TG: variants seen among roughly 807,000 people sequenced by gnomAD.
TG encodes the protein thyroglobulin, also known as thyroid hormones.
TG carries 270 observed loss-of-function variants against 324.7 expected under a neutral mutation model. That is an observed-to-expected ratio of 0.83 (90% CI 0.75 to 0.92). The LOEUF (loss-of-function observed/expected upper bound fraction) is 0.92, where lower values mean the gene tolerates loss of function less well. Among genes scored for constraint, TG ranks in the 40% least tolerant of loss-of-function variants. The pLI, the probability that TG is intolerant of heterozygous loss-of-function variation, is 0.00. For synonymous variants in TG, 1,401 were observed against 1,327.0 expected, an observed-to-expected ratio of 1.06 and a Z score of -1.21; for missense variants, 3,591 against 3,456.4, an observed-to-expected ratio of 1.04 and a Z score of -0.98.
chr8:133,053,362 C>T (rs1281687722), intron 41 of TG, among the ~76,000 whole-genome samples: 2 of 152,194 alleles, frequency 1.3e-5, no homozygotes, highest in African/African-American at 4.8e-5. Flanking sequence ...TAGCCTGTGC[C>T]ACACCTGTTT....
At chr8:133,009,927 C>T (rs1834357306) in intron 35 of TG, among the ~76,000 whole-genome samples, 1 of 152,114 alleles carries the variant, frequency 6.6e-6, no homozygotes, top group Non-Finnish European at 1.5e-5. Context: ...CAAAACATGG[C>T]ACTAGATTGT....
chr8:132,891,065 G>T (rs1309136090), intron 10 of TG, among the ~76,000 whole-genome samples: 1 of 152,198 alleles, frequency 6.6e-6, no homozygotes, highest in Non-Finnish European at 1.5e-5. Context: ...TGGAACAGAG[G>T]TATGTACGTG....
Position 132,882,806 on chromosome 8 carries a change from T to C in TG, c.890-8T>C, listed in dbSNP as rs565158735. 2.5e-6 allele frequency: 4 copies of C among 1,614,208 alleles called. No individual in the cohort carries two copies. The African/African-American group carries it at 5.3e-5, about 22-fold the overall frequency. On this transcript the variant is annotated splice_region_variant and splice_polypyrimidine_tract_variant and intron_variant, in intron 7 of 47. Coordinates refer to ENST00000220616, the MANE Select transcript of TG (RefSeq NM_003235.5). ...CACTGTCTTCTTTACTGTGTGGATT[T>C]CCTCTAGGCCCCACAAAATGTGAAG...
chr8:133,133,609 G>A lies in TG; in HGVS notation c.8137G>A (p.Ala2713Thr), dbSNP rs749517425. The change falls in exon 47 of 48, where the codon GCC becomes ACC. Residue 2713 changes from alanine to threonine, a missense_variant. Ala to Thr is a moderately conservative substitution (Grantham distance 58, BLOSUM62 0). Transcript: ENST00000220616. ...CCCCAATCGACAGGGCCTGAAGAAAGCCGACTGCTCCTTCTGGTCCAAGTA... is the reference window on the plus strand; with the variant it reads ...CCCCAATCGACAGGGCCTGAAGAAAACCGACTGCTCCTTCTGGTCCAAGTA... The part of the protein sequence containing the change: ...LLPNRQGLKK[A>T]DCSFWSKYIS... 21 of 1,614,108 alleles carry A rather than the reference G, an allele frequency of 1.3e-5. No homozygotes were observed. The East Asian group carries it at 4.0e-4, about 31-fold the overall frequency.
rs192005554 is a variant in TG at position 133,033,243 on chromosome 8, C to T, written c.7239+3220C>T. On this transcript the variant is annotated intron_variant, in intron 41 of 47. Transcript: ENST00000220616. ...GACTTATGGTTTGCAAACTATCTTG[C>T]ACAACATAGGAACTCAAGAAATCAA... Among the ~76,000 whole-genome samples, 193 of 152,312 alleles carry T rather than the reference C, an allele frequency of 1.3e-3. 1 individual carries two copies. Among genetic ancestry groups the T allele is most frequent in the Middle Eastern group, 6.8e-3 (2 of 294 alleles).
rs565109132 is a variant in TG at position 132,983,910 on chromosome 8, G to A, written c.6262+498G>A. ...CAGGAGCCCAGGTGCCCAGGTGCCC[G>A]GTAACATAGCCTGGACCCAGGCTGC... On this transcript the variant is annotated intron_variant, in intron 35 of 47. Coordinates refer to ENST00000220616, the MANE Select transcript of TG (RefSeq NM_003235.5). 5.3e-5 allele frequency among the ~76,000 whole-genome samples: 8 copies of A among 152,296 alleles called. 1 individual carries two copies. In the South Asian group the frequency reaches 8.3e-4, roughly 16 times the overall value.
intron 41 of TG, chr8:133,049,550 G>C: frequency 3.3e-6 from 1 of 304,150 alleles, no homozygotes; most frequent in South Asian, 3.6e-5. Flanking sequence ...CAGCCAGTAA[G>C]TGACAGAGGC....
chr8:132,878,970 T>C (rs1326641413), intron 5 of TG, among the ~76,000 whole-genome samples: 1 of 152,218 alleles, frequency 6.6e-6, no homozygotes, highest in Non-Finnish European at 1.5e-5. Context: ...TCGGTCTCAG[T>C]AGTTTGACTT....
chr8:132,916,755 C>T (rs1820340483), intron 20 of TG, among the ~76,000 whole-genome samples: 1 of 152,170 alleles, frequency 6.6e-6, no homozygotes, highest in Non-Finnish European at 1.5e-5. Flanking sequence ...TATGGCTTCT[C>T]CTTGAAATTA....
intron 44 of TG, among the ~76,000 whole-genome samples, chr8:133,115,360 A>T (rs1283001067): frequency 1.3e-5 from 2 of 152,050 alleles, no homozygotes; most frequent in Non-Finnish European, 1.5e-5. Flanking sequence ...CCAGTGCGTG[A>T]TGCTTCCCAT....
chr8:132,984,125 C>T (rs894568606), intron 35 of TG, among the ~76,000 whole-genome samples: 1 of 152,204 alleles, frequency 6.6e-6, no homozygotes, highest in Non-Finnish European at 1.5e-5. Context: ...AGAGGCTCAG[C>T]CTGGGCTCCA....
At chr8:133,117,871 C>G (rs1850824279) in intron 45 of TG, among the ~76,000 whole-genome samples, 1 of 152,190 alleles carries the variant, frequency 6.6e-6, no homozygotes, top group Non-Finnish European at 1.5e-5. Flanking sequence ...ACACCATATA[C>G]CCGCTGTGCC....
At chr8:133,037,816 C>T (rs1017685591) in intron 41 of TG, 10 of 152,250 alleles carry the variant, frequency 6.6e-5, no homozygotes, top group Admixed American at 3.9e-4. Context: ...CAGTTCTAGT[C>T]TCGCCTCCTC....
At chr8:133,080,220 T>A (rs571424496) in intron 41 of TG, among the ~76,000 whole-genome samples, 1 of 152,146 alleles carries the variant, frequency 6.6e-6, no homozygotes, top group Non-Finnish European at 1.5e-5. Context: ...ATACTTGTGT[T>A]CAAGGAGCAG....
At chr8:133,124,281 G>A (rs1851359022) in intron 45 of TG, among the ~76,000 whole-genome samples, 1 of 152,190 alleles carries the variant, frequency 6.6e-6, no homozygotes. Context: ...CCAGGGTGCT[G>A]GGATGTCATT....
chr8:133,074,300 A>ACTCCAAG (rs1844534106), intron 41 of TG, among the ~76,000 whole-genome samples: 1 of 152,092 alleles, frequency 6.6e-6, no homozygotes, highest in Non-Finnish European at 1.5e-5. Flanking sequence ...AAGTAGCGCT[A>ACTCCAAG]TTGCAATCCC....
chr8:132,990,841 C>T (rs984206720), intron 35 of TG, among the ~76,000 whole-genome samples: 1 of 152,084 alleles, frequency 6.6e-6, no homozygotes, highest in Non-Finnish European at 1.5e-5. Context: ...AGAGTCTCCC[C>T]GCGAAGATGG....
chr8:132,868,691 G>T (rs763059562), intron 2 of TG, among the ~76,000 whole-genome samples: 3 of 152,126 alleles, frequency 2.0e-5, no homozygotes, highest in Non-Finnish European at 4.4e-5. Context: ...TAGCTCTCTA[G>T]GCTGCCTCTG....
chr8:132,952,645 G>A (rs765757840), intron 27 of TG, among the ~76,000 whole-genome samples: 19 of 152,228 alleles, frequency 1.2e-4, no homozygotes, highest in Non-Finnish European at 2.4e-4. Context: ...TGAATTGATT[G>A]CCAGGTGTAG....
Sources: allele counts gnomAD v4.1 joint callset (sites outside exome capture counted in the v4.1 genomes callset), GRCh38; gene constraint gnomAD v4.1.1; transcripts MANE v1.5; gene names NCBI Gene and HGNC (gene_info 2026-07-23, HGNC 2026-07-21).